CAMTA1: variants seen among roughly 807,000 people sequenced by gnomAD.
CAMTA1 encodes calmodulin binding transcription activator 1, also known as calmodulin-binding transcription activator 1.
A neutral mutation model predicts 170.9 loss-of-function variants in CAMTA1; 27 were observed. The observed-to-expected ratio is 0.16, with a 90% CI of 0.12 to 0.22. CAMTA1 has a LOEUF of 0.22. CAMTA1 is among the 10% of genes least tolerant of loss of function. The pLI, the probability that CAMTA1 is intolerant of heterozygous loss-of-function variation, is 1.00. For missense variants in CAMTA1, 1,619 were observed against 2,217.2 expected (o/e 0.73, Z 5.42); for synonymous variants, 833 against 891.5 (o/e 0.93, Z 1.17).
chr1:6,831,946 A>G (rs1410378345), intron 3 of CAMTA1, among the ~76,000 whole-genome samples: 1 of 152,216 alleles, frequency 6.6e-6, no homozygotes, highest in African/African-American at 2.4e-5. Context: ...TATAGGAGGA[A>G]ACTTACTCTT....
In CAMTA1 at chr1:7,565,787, T is replaced by C. The variant is rs1018704050; in HGVS notation, c.511-74613T>C. Among the ~76,000 whole-genome samples the C allele has an allele frequency of 6.6e-6, 1 of 152,142 alleles. No individual in the cohort carries two copies. Among genetic ancestry groups the C allele is most frequent in the African/African-American group, 2.4e-5 (1 of 41,426 alleles). On this transcript the variant is annotated intron_variant, in intron 6 of 22. Coordinates refer to ENST00000303635, the MANE Select transcript of CAMTA1 (RefSeq NM_015215.4). This position sits in a 1 kb window ranked among gnomAD's most constrained non-coding sequence, Gnocchi z 4.5. ...ACAAAATACCATAGACCGGGTGGCTTAAACAGTAGACATTTACACTCTCAC... is the reference window on the plus strand; with the variant it reads ...ACAAAATACCATAGACCGGGTGGCTCAAACAGTAGACATTTACACTCTCAC...
Position 7,565,049 on chromosome 1 carries a change from G to C in CAMTA1, c.511-75351G>C, listed in dbSNP as rs1227651284. ...TGGGGGGTGGGAGCAGAAGGGCAAGGCCCCTCAGGGAGGTGAGGGACCCAA... is the reference window on the plus strand; with the variant it reads ...TGGGGGGTGGGAGCAGAAGGGCAAGCCCCCTCAGGGAGGTGAGGGACCCAA... On this transcript the variant is annotated intron_variant, in intron 6 of 22. Coordinates refer to ENST00000303635, the MANE Select transcript of CAMTA1 (RefSeq NM_015215.4). This position sits in a 1 kb window ranked among gnomAD's most constrained non-coding sequence, Gnocchi z 4.5. Among the ~76,000 whole-genome samples the C allele has an allele frequency of 6.6e-6, 1 of 151,918 alleles. No homozygotes were observed. Among genetic ancestry groups the C allele is most frequent in the African/African-American group, 2.4e-5 (1 of 41,336 alleles).
intron 3 of CAMTA1, among the ~76,000 whole-genome samples, chr1:6,843,206 A>G (rs1484579108): frequency 6.6e-6 from 1 of 152,122 alleles, no homozygotes; most frequent in Non-Finnish European, 1.5e-5. Context: ...ACATGTGGGA[A>G]TTATTTTTTC....
chr1:7,116,874 G>A lies in CAMTA1; in HGVS notation c.302+25503G>A, dbSNP rs369077550. ...TCACCGTGTTAGCCAGGATGGTCTC[G>A]ATCTCCTGACCTCGTGATCCACCCG... is the stretch of plus-strand genomic sequence containing the variant. On this transcript the variant is annotated intron_variant, in intron 4 of 22. Transcript: ENST00000303635. Among the ~76,000 whole-genome samples, 651 of 151,316 alleles carry A rather than the reference G, an allele frequency of 4.3e-3. 12 individuals are homozygous for A. In the East Asian group the frequency reaches 0.044, roughly 10 times the overall value.
chr1:7,387,806 A>T (rs984498588), intron 5 of CAMTA1, among the ~76,000 whole-genome samples: 1 of 152,214 alleles, frequency 6.6e-6, no homozygotes, highest in Non-Finnish European at 1.5e-5. Flanking sequence ...GTCAGAAGGA[A>T]TTTCCAGCAA....
At chr1:7,605,664 C>T (rs2095480473) in intron 6 of CAMTA1, among the ~76,000 whole-genome samples, 1 of 152,208 alleles carries the variant, frequency 6.6e-6, no homozygotes, top group African/African-American at 2.4e-5. Context: ...TGCTTCAGCT[C>T]ATGCTTGGTG....
intron 5 of CAMTA1, among the ~76,000 whole-genome samples, chr1:7,303,125 G>C (rs1292055892): frequency 6.6e-6 from 1 of 152,100 alleles, no homozygotes; most frequent in Non-Finnish European, 1.5e-5. Flanking sequence ...AGTGGTGCCT[G>C]GCATACATTA....
At chr1:6,954,288 A>C (rs1689057523) in intron 3 of CAMTA1, among the ~76,000 whole-genome samples, 1 of 152,164 alleles carries the variant, frequency 6.6e-6, no homozygotes. Flanking sequence ...ACTGGAGCAG[A>C]CTTGATGTCA....
intron 3 of CAMTA1, among the ~76,000 whole-genome samples, chr1:6,935,704 G>A (rs940029269): frequency 3.9e-5 from 6 of 152,228 alleles, no homozygotes; most frequent in Non-Finnish European, 5.9e-5. Flanking sequence ...AAACTTTTCC[G>A]TGGTTTTCTT....
chr1:6,796,468 G>A (rs1642551813), intron 1 of CAMTA1, among the ~76,000 whole-genome samples: 1 of 152,142 alleles, frequency 6.6e-6, no homozygotes, highest in Admixed American at 6.5e-5. Flanking sequence ...ATTTGACTAA[G>A]TTGGAAGATT....
intron 6 of CAMTA1, among the ~76,000 whole-genome samples, chr1:7,481,231 T>C (rs2693958): frequency 0.61 from 92,639 of 152,076 alleles, 28,985 homozygotes; most frequent in African/African-American, 0.76. Flanking sequence ...ACATCACCCT[T>C]ATGCTTCAGG....
chr1:7,528,233 G>C (rs920517514), intron 6 of CAMTA1, among the ~76,000 whole-genome samples: 2 of 152,066 alleles, frequency 1.3e-5, no homozygotes, highest in Non-Finnish European at 2.9e-5. Context: ...AACAAAAGTC[G>C]ACTCAGGGCT....
chr1:7,674,312 A>C lies in CAMTA1; in HGVS notation c.2779+3275A>C, dbSNP rs2096090862. Among the ~76,000 whole-genome samples, 1 of 151,722 alleles carries C rather than the reference A, an allele frequency of 6.6e-6. No individual in the cohort carries two copies. Among genetic ancestry groups the C allele is most frequent in the Non-Finnish European group, 1.5e-5 (1 of 67,934 alleles). On this transcript the variant is annotated intron_variant, in intron 10 of 22. Coordinates refer to ENST00000303635, the MANE Select transcript of CAMTA1 (RefSeq NM_015215.4). This position sits in a 1 kb window ranked among gnomAD's most constrained non-coding sequence, Gnocchi z 4.1. Reference sequence around the variant, plus strand: ...GTGCTTCAGGGGCAGGAGGGAGCCCACCAAGTTAGGGCAGTGAGCTGAGGG... The same window carrying C: ...GTGCTTCAGGGGCAGGAGGGAGCCCCCCAAGTTAGGGCAGTGAGCTGAGGG...
intron 1 of CAMTA1, among the ~76,000 whole-genome samples, chr1:6,796,651 CTAG>C (rs564968919): frequency 1.6e-3 from 245 of 152,276 alleles, no homozygotes; most frequent in Middle Eastern, 0.014. Context: ...TGTGGTGGAA[CTAG>C]CCTAGTATTC....
At chr1:7,002,821 A>G (rs566408747) in intron 3 of CAMTA1, among the ~76,000 whole-genome samples, 1 of 152,264 alleles carries the variant, frequency 6.6e-6, no homozygotes, top group South Asian at 2.1e-4. Context: ...CAAAAGAGGG[A>G]ACGTGCCGGT....
rs59402168 is a variant in CAMTA1 at position 7,768,113 on chromosome 1, T to TAAAAAAAA, written c.*1633_*1640dup. The TAAAAAAAA allele has an allele frequency of 1.5e-5, 2 of 136,242 alleles. No individual in the cohort carries two copies. The highest frequency in any genetic ancestry group is 2.7e-5 in the African/African-American group (1 of 36,936). The allele number at this position is 136,242 out of a possible 1,614,324, so 8.4% of individuals were successfully genotyped here. A position where few individuals can be genotyped will look rare whatever the true frequency, so the allele number is the denominator to read the frequency against. On this transcript the variant is annotated 3_prime_UTR_variant, in exon 23 of 23. Transcript: ENST00000303635. ...CTCCAACAAAGAACACTTAGAATGA[T>TAAAAAAAA]AAAAAAAAAAAAAAAAAACCTGACA... is the stretch of plus-strand genomic sequence containing the variant.
chr1:7,037,782 G>A (rs1703832266), intron 3 of CAMTA1, among the ~76,000 whole-genome samples: 1 of 151,092 alleles, frequency 6.6e-6, no homozygotes, highest in Non-Finnish European at 1.5e-5. Context: ...AGCTTGCAGT[G>A]AGCCAAGATC....
intron 5 of CAMTA1, among the ~76,000 whole-genome samples, chr1:7,359,902 G>A (rs2085410070): frequency 6.6e-6 from 1 of 152,184 alleles, no homozygotes; most frequent in African/African-American, 2.4e-5. Context: ...CATGGGAAGT[G>A]CATTGTCTCA....
chr1:7,288,726 A>C (rs572660242), intron 5 of CAMTA1, among the ~76,000 whole-genome samples: 2 of 152,220 alleles, frequency 1.3e-5, no homozygotes, highest in Admixed American at 1.3e-4. Context: ...GCAAAGCCCA[A>C]GAAGTGATGA....
Sources: allele counts gnomAD v4.1 joint callset (sites outside exome capture counted in the v4.1 genomes callset), GRCh38; gene constraint gnomAD v4.1.1; non-coding constraint Gnocchi (gnomAD v3.1); transcripts MANE v1.5; gene names NCBI Gene and HGNC (gene_info 2026-07-23, HGNC 2026-07-21).